CMC2: variants seen among roughly 807,000 people sequenced by gnomAD.
The protein encoded by CMC2 is C-X9-C motif containing 2.
In CMC2, 5 loss-of-function variants were observed where a neutral mutation model predicts 7.5. That is an observed-to-expected ratio of 0.66 (90% CI 0.35 to 1.40). The LOEUF (loss-of-function observed/expected upper bound fraction) is 1.40, where lower values mean the gene tolerates loss of function less well. CMC2 is among the 40% of genes most tolerant of loss of function. CMC2 has a pLI of 0.04. For missense variants in CMC2, 115 were observed against 92.3 expected (o/e 1.25, Z -1.01); for synonymous variants, 37 against 31.4 (o/e 1.18, Z -0.60).
chr16:80,997,263 G>T, intron 2 of CMC2, 51 bp downstream of exon 2: 2 of 986,952 alleles, frequency 2.0e-6, no homozygotes, highest in African/African-American at 1.6e-5. Flanking sequence ...ACATCAGTGG[G>T]TTATAACTAA....
intron 3 of CMC2, 58 bp downstream of exon 3, chr16:80,981,748 A>T (rs551245510): frequency 8.7e-7 from 1 of 1,147,660 alleles, no homozygotes; most frequent in Admixed American, 2.2e-5. Flanking sequence ...AATACACAAT[A>T]TTCAAAAATG....
chr16:80,971,312 G>C lies in CMC2; in HGVS notation c.*4781C>G, dbSNP rs12919442. 1.3e-5 allele frequency: 2 copies of C among 151,852 alleles called. No individual in the cohort carries two copies. The highest frequency in any genetic ancestry group is 3.9e-4 in the East Asian group (2 of 5,190). The allele number at this position is 151,852 out of a possible 1,614,324, so 9.4% of individuals were successfully genotyped here. A position where few individuals can be genotyped will look rare whatever the true frequency, so the allele number is the denominator to read the frequency against. On this transcript the variant is annotated 3_prime_UTR_variant, in exon 4 of 4. Coordinates refer to ENST00000219400, the MANE Select transcript of CMC2 (RefSeq NM_020188.5). ...AAGGTAAGTAAGAACGTTCATTGAA[G>C]TTTACAATAGCAAAGACTGGATATC...
At chr16:81,004,326 T>G (rs1969083220) in intron 1 of CMC2, among the ~76,000 whole-genome samples, 1 of 152,124 alleles carries the variant, frequency 6.6e-6, no homozygotes, top group Non-Finnish European at 1.5e-5. Context: ...AGGGATAAAT[T>G]CCATTCAAAC....
At chr16:80,998,452 G>A (rs528421539) in intron 1 of CMC2, 1 of 152,208 alleles carries the variant, frequency 6.6e-6, no homozygotes, top group African/African-American at 2.4e-5. Context: ...GATAGCCACT[G>A]TGGAAACTGG....
intron 2 of CMC2, chr16:80,991,828 G>T: frequency 2.4e-6 from 1 of 412,472 alleles, no homozygotes; most frequent in Non-Finnish European, 4.9e-6. Flanking sequence ...AAACAGAGGA[G>T]CATTCTACCA....
In CMC2 at chr16:80,971,800, A is replaced by C. The variant is rs1461266405; in HGVS notation, c.*4293T>G. 2.0e-5 allele frequency: 3 copies of C among 151,976 alleles called. No individual in the cohort carries two copies. Among genetic ancestry groups the C allele is most frequent in the Non-Finnish European group, 1.5e-5 (1 of 68,018 alleles). The allele number at this position is 151,976 out of a possible 1,614,324, so 9.4% of individuals were successfully genotyped here. ...TAGCAGCTATGTGAGTGTTCGTATT[A>C]GTCTGTATAGTTTTCTGTAAACCTG... On this transcript the variant is annotated 3_prime_UTR_variant, in exon 4 of 4. Coordinates refer to ENST00000219400, the MANE Select transcript of CMC2 (RefSeq NM_020188.5).
chr16:80,999,255 C>A (rs2194320), intron 1 of CMC2, among the ~76,000 whole-genome samples: 1 of 152,194 alleles, frequency 6.6e-6, no homozygotes, highest in Non-Finnish European at 1.5e-5. Context: ...ATCAGTAGCA[C>A]GTCTATACAC....
At chr16:80,995,517 C>A (rs1968339844) in intron 2 of CMC2, among the ~76,000 whole-genome samples, 1 of 151,682 alleles carries the variant, frequency 6.6e-6, no homozygotes, top group South Asian at 2.1e-4. Context: ...ATTAGCCAGG[C>A]CTGGTGGCGC....
chr16:80,977,792 C>A (rs952108620), intron 3 of CMC2, among the ~76,000 whole-genome samples: 2 of 152,176 alleles, frequency 1.3e-5, no homozygotes, highest in African/African-American at 2.4e-5. Context: ...CTACTTCAGG[C>A]CGGGTGCGGT....
chr16:80,979,154 A>T (rs1432992598), intron 3 of CMC2, among the ~76,000 whole-genome samples: 1 of 152,224 alleles, frequency 6.6e-6, no homozygotes, highest in East Asian at 1.9e-4. Context: ...GTAGCAGGAA[A>T]GCATCTGAAG....
intron 2 of CMC2, chr16:80,982,584 CA>C (rs1469290020): frequency 1.5e-5 from 2 of 130,194 alleles, no homozygotes; most frequent in African/African-American, 2.9e-5. Flanking sequence ...AAAACATATA[CA>C]AATTTTAAAA....
At chr16:80,997,055 G>A in intron 2 of CMC2, 1 of 535,460 alleles carries the variant, frequency 1.9e-6, no homozygotes, top group Admixed American at 2.9e-5. Flanking sequence ...TTTATTGTAA[G>A]AACATGGATT....
At chr16:81,006,711 C>G (rs1388816064) in intron 1 of CMC2, 23 bp downstream of exon 1, 1 of 985,286 alleles carries the variant, frequency 1.0e-6, no homozygotes, top group African/African-American at 1.7e-5. Flanking sequence ...GCGTTCGGAA[C>G]GGCCTGGACT....
At chr16:80,998,950 A>T (rs1203241508) in intron 1 of CMC2, 1 of 151,802 alleles carries the variant, frequency 6.6e-6, no homozygotes, top group East Asian at 1.9e-4. Context: ...ATACCTCAAA[A>T]TAAGAGCCAT....
chr16:80,988,375 T>G (rs1967704415), intron 2 of CMC2, among the ~76,000 whole-genome samples: 1 of 152,190 alleles, frequency 6.6e-6, no homozygotes, highest in South Asian at 2.1e-4. Context: ...ACTTAAAAAG[T>G]GCAAGTCTTC....
At chr16:81,004,100 G>A (rs1969058732) in intron 1 of CMC2, among the ~76,000 whole-genome samples, 1 of 152,156 alleles carries the variant, frequency 6.6e-6, no homozygotes, top group African/African-American at 2.4e-5. Context: ...GTGGGGGCCT[G>A]TAATCCAGCT....
chr16:80,991,780 T>C (rs1312807123), intron 2 of CMC2: 1 of 349,936 alleles, frequency 2.9e-6, no homozygotes, highest in Non-Finnish European at 5.7e-6. Flanking sequence ...CGAAAACACA[T>C]GATCCCAATC....
intron 1 of CMC2, among the ~76,000 whole-genome samples, chr16:81,004,308 A>C (rs1223527954): frequency 6.6e-6 from 1 of 152,190 alleles, no homozygotes; most frequent in Non-Finnish European, 1.5e-5. Flanking sequence ...GTTTCCAGTG[A>C]AATAGAGAGG....
chr16:80,976,699 G>C (rs1332053944), intron 3 of CMC2, among the ~76,000 whole-genome samples: 1 of 152,186 alleles, frequency 6.6e-6, no homozygotes, highest in Non-Finnish European at 1.5e-5. Flanking sequence ...CTGTCTAACT[G>C]TTGGACAATT....
Sources: gnomAD v4.1 joint callset for allele counts (sites outside exome capture counted in the v4.1 genomes callset) on GRCh38, gnomAD v4.1.1 for gene constraint, MANE v1.5 for transcripts, NCBI Gene and HGNC (gene_info 2026-07-23, HGNC 2026-07-21) for gene names.